The following AMD1 variants were observed in gnomAD, a reference collection of about 807,000 sequenced individuals.
The protein encoded by AMD1 is S-adenosylmethionine decarboxylase proenzyme.
In AMD1, 11 loss-of-function variants were observed where a neutral mutation model predicts 40.2. The observed-to-expected ratio is 0.27, with a 90% CI of 0.17 to 0.45. The LOEUF is 0.45. Ranked by LOEUF, AMD1 falls within the 20% of genes least tolerant of loss-of-function variation. The pLI, the probability that AMD1 is intolerant of heterozygous loss-of-function variation, is 1.00. For synonymous variants in AMD1, 121 were observed against 130.8 expected, an observed-to-expected ratio of 0.93 and a Z score of 0.51; for missense variants, 257 against 410.2, an observed-to-expected ratio of 0.63 and a Z score of 3.23.
At chr6:110,857,104 C>T in the AMD1 span, among the ~76,000 whole-genome samples, 5 of 151,114 alleles carry the variant, frequency 3.3e-5, no homozygotes, top group African/African-American at 9.7e-5. Flanking sequence ...GCGGAGGTTG[C>T]GGGGAGCACA....
At chr6:110,849,804 G>C in the AMD1 span, among the ~76,000 whole-genome samples, 1 of 152,122 alleles carries the variant, frequency 6.6e-6, no homozygotes, top group African/African-American at 2.4e-5. Flanking sequence ...AAGATTGCTT[G>C]AGCCCGTGAG....
chr6:110,893,657 T>G lies in AMD1; in HGVS notation c.*41T>G, dbSNP rs761580615. On this transcript the variant is annotated 3_prime_UTR_variant, in exon 9 of 9. Transcript: ENST00000368885. ...AAAAAACGCAAAAAGAGAACACATG[T>G]AGAAGGTGGTGGATGCTTTCTAGAT... 13 of 1,599,130 alleles carry G rather than the reference T, an allele frequency of 8.1e-6. No individual in the cohort carries two copies. The highest frequency in any genetic ancestry group is 1.3e-5 in the African/African-American group (1 of 74,672).
the AMD1 span, among the ~76,000 whole-genome samples, chr6:110,818,296 A>G: frequency 6.6e-6 from 1 of 152,146 alleles, no homozygotes. Flanking sequence ...AGGCAAAAAA[A>G]GGGGGATAGG....
At chr6:110,815,451 G>A in the AMD1 span, 1 of 233,542 alleles carries the variant, frequency 4.3e-6, no homozygotes, top group Non-Finnish European at 8.2e-6. Flanking sequence ...GCTTCCTCGA[G>A]CTCATTAGCG....
the AMD1 span, among the ~76,000 whole-genome samples, chr6:110,832,597 C>G: frequency 2.0e-5 from 3 of 152,168 alleles, no homozygotes; most frequent in Non-Finnish European, 4.4e-5. Flanking sequence ...CCTATAGCTG[C>G]CTATACGCTA....
At chr6:110,893,159 A>C in intron 8 of AMD1, 94 bp downstream of exon 8, 1 of 1,149,660 alleles carries the variant, frequency 8.7e-7, no homozygotes, top group Non-Finnish European at 1.2e-6. Context: ...CTGAGATAGC[A>C]CATATACCAG....
At chr6:110,856,653 T>C in the AMD1 span, 31 of 152,180 alleles carry the variant, frequency 2.0e-4, no homozygotes, top group African/African-American at 7.2e-4. Flanking sequence ...TTTTCTGAGA[T>C]GGGGAAGTGG....
chr6:110,877,069 TTG>T (rs1785152661), intron 1 of AMD1, among the ~76,000 whole-genome samples: 1 of 152,222 alleles, frequency 6.6e-6, no homozygotes, highest in Non-Finnish European at 1.5e-5. Context: ...CCTTTTTACT[TTG>T]TACTTTAATC....
At chr6:110,820,428 G>A in the AMD1 span, among the ~76,000 whole-genome samples, 1 of 151,804 alleles carries the variant, frequency 6.6e-6, no homozygotes, top group Admixed American at 6.5e-5. Context: ...TAGAGATGGG[G>A]TTTCTCCATG....
intron 8 of AMD1, 48 bp from the exon 9 acceptor site, chr6:110,893,428 A>T (rs1328286555): frequency 6.2e-7 from 1 of 1,601,002 alleles, no homozygotes; most frequent in Non-Finnish European, 8.5e-7. Context: ...GGTTGAAAAT[A>T]CTTCTCTGGA....
chr6:110,843,151 C>T, the AMD1 span, among the ~76,000 whole-genome samples: 1 of 150,682 alleles, frequency 6.6e-6, no homozygotes, highest in South Asian at 2.1e-4. Context: ...GTCTAAAAAA[C>T]ATATGCTTTT....
At chr6:110,887,723 TC>T in intron 2 of AMD1, 132 bp downstream of exon 2, 1 of 577,804 alleles carries the variant, frequency 1.7e-6, no homozygotes, top group Non-Finnish European at 2.8e-6. Flanking sequence ...GGAGTTTCAG[TC>T]ACCCAGGCTG....
chr6:110,838,601 G>A, the AMD1 span, among the ~76,000 whole-genome samples: 1 of 151,806 alleles, frequency 6.6e-6, no homozygotes, highest in Non-Finnish European at 1.5e-5. Flanking sequence ...GGTCACGCCT[G>A]TAATCCTGGC....
chr6:110,842,017 G>A, the AMD1 span, among the ~76,000 whole-genome samples: 2 of 152,050 alleles, frequency 1.3e-5, no homozygotes, highest in East Asian at 3.9e-4. Context: ...TGGCCAGGCT[G>A]GTCTCGAAAT....
chr6:110,876,288 G>T (rs1785108485), intron 1 of AMD1, among the ~76,000 whole-genome samples: 1 of 152,240 alleles, frequency 6.6e-6, no homozygotes, highest in Admixed American at 6.5e-5. Context: ...CCTGCCACCG[G>T]ATCCCTGGCT....
At chr6:110,858,457 C>A in the AMD1 span, 1 of 1,140,306 alleles carries the variant, frequency 8.8e-7, no homozygotes, top group Non-Finnish European at 1.3e-6. Flanking sequence ...GCTCAGTCCT[C>A]AAGATCAACC....
chr6:110,863,207 A>G, the AMD1 span, among the ~76,000 whole-genome samples: 1 of 151,508 alleles, frequency 6.6e-6, no homozygotes, highest in East Asian at 2.0e-4. Flanking sequence ...GGCCTCCCAA[A>G]GTGCTGGGAT....
At chr6:110,886,258 G>A (rs1037390909) in intron 1 of AMD1, among the ~76,000 whole-genome samples, 3 of 151,502 alleles carry the variant, frequency 2.0e-5, no homozygotes, top group Middle Eastern at 3.2e-3. Context: ...ATTTTTATGA[G>A]TGTAGAGCAA....
At chr6:110,880,416 A>T (rs1785341246) in intron 1 of AMD1, among the ~76,000 whole-genome samples, 1 of 152,190 alleles carries the variant, frequency 6.6e-6, no homozygotes. Flanking sequence ...ATTGTATGTC[A>T]TATCCAAGAA....
Sources: gnomAD v4.1 joint callset for allele counts (sites outside exome capture counted in the v4.1 genomes callset) on GRCh38, gnomAD v4.1.1 for gene constraint, MANE v1.5 for transcripts, NCBI Gene and HGNC (gene_info 2026-07-23, HGNC 2026-07-21) for gene names.